Variants in SEC16B observed in about 807,000 individuals in gnomAD.
SEC16B encodes the protein protein transport protein Sec16B.
Under a neutral mutation model 141.8 loss-of-function variants are expected in SEC16B, and 115 were observed. That is an observed-to-expected ratio of 0.81 (90% CI 0.70 to 0.95). The LOEUF (loss-of-function observed/expected upper bound fraction) is 0.95. SEC16B is among the 40% of genes least tolerant of loss of function. The probability of loss-of-function intolerance (pLI) is 0.00; values close to 1 mark genes in which losing one functional copy is unlikely to be tolerated. For synonymous variants in SEC16B, 493 were observed against 492.5 expected, an observed-to-expected ratio of 1.00 and a Z score of -0.01; for missense variants, 1,291 against 1,312.3, an observed-to-expected ratio of 0.98 and a Z score of 0.25.
At chr1:177,936,881 G>A (rs1457076690) in intron 19 of SEC16B, among the ~76,000 whole-genome samples, 1 of 152,204 alleles carries the variant, frequency 6.6e-6, no homozygotes, top group Non-Finnish European at 1.5e-5. Context: ...GATGATTGGA[G>A]AAAGAGAACT....
At chr1:177,964,852 T>G (rs1653384764) in intron 4 of SEC16B, among the ~76,000 whole-genome samples, 195 bp downstream of exon 4, 1 of 152,184 alleles carries the variant, frequency 6.6e-6, no homozygotes, top group Non-Finnish European at 1.5e-5. Flanking sequence ...CTGTCAGTGA[T>G]AAGAACCTCC....
intron 3 of SEC16B, among the ~76,000 whole-genome samples, chr1:177,965,400 G>GGTGTGTGTGTGTGTGTGTGTGT (rs71108021): frequency 0.031 from 4,706 of 151,064 alleles, 126 homozygotes; most frequent in East Asian, 0.12. Flanking sequence ...GATGGGGATT[G>GGTGTGTGTGTGTGTGTGTGTGT]GTGTGTGTGT....
chr1:177,941,856 T>G (rs764377514), intron 16 of SEC16B, 44 bp downstream of exon 16: 6 of 1,594,894 alleles, frequency 3.8e-6, no homozygotes, highest in Middle Eastern at 1.7e-4. Flanking sequence ...TTTCTCTGAA[T>G]AGTGAAGATA....
intron 1 of SEC16B, among the ~76,000 whole-genome samples, chr1:177,976,573 CT>C (rs1654178161): frequency 6.6e-6 from 1 of 152,174 alleles, no homozygotes; most frequent in Non-Finnish European, 1.5e-5. Flanking sequence ...GCAAATTACT[CT>C]GCATCTCCTT....
intron 17 of SEC16B, among the ~76,000 whole-genome samples, chr1:177,940,069 G>A (rs1006854767): frequency 2.6e-5 from 4 of 152,178 alleles, no homozygotes; most frequent in African/African-American, 9.7e-5. Flanking sequence ...AGAAGGGGTA[G>A]AGGCTGTGTG....
intron 12 of SEC16B, among the ~76,000 whole-genome samples, chr1:177,949,411 CACACACACACACACACA>C (rs1651992691): frequency 6.6e-6 from 1 of 150,684 alleles, no homozygotes. Flanking sequence ...CACACACACA[CACACACACACACACACA>C]CAAAGAAAAA....
intron 10 of SEC16B, 133 bp downstream of exon 10, chr1:177,957,999 T>G (rs1467458975): frequency 2.0e-6 from 1 of 496,858 alleles, no homozygotes; most frequent in Non-Finnish European, 3.2e-6. Context: ...ATTTTCTTTG[T>G]TCTGTCTTTC....
At position 177,933,409 on chromosome 1, in the gene SEC16B, C is replaced by T. The variant is rs1650599342; in HGVS notation, c.2724+75G>A. On this transcript the variant is annotated intron_variant, in intron 21 of 25. Transcript: ENST00000308284. ...CATGTAACCATCAGAGCCCAGACTT[C>T]CAAGTCTGCACCACCCTCGAGGAAG... 4 of 1,569,104 alleles carry T rather than the reference C, an allele frequency of 2.5e-6. No individual in the cohort carries two copies. The South Asian group carries it at 4.7e-5, about 18-fold the overall frequency.
chr1:177,974,809 G>A (rs1258033755), upstream of SEC16B, among the ~76,000 whole-genome samples: 1 of 152,178 alleles, frequency 6.6e-6, no homozygotes. Context: ...AGACAAGAGA[G>A]GGTTTCTGCT....
rs567964737 is a variant in SEC16B at position 177,945,995 on chromosome 1, G to A, written c.1775+425C>T. On this transcript the variant is annotated intron_variant, in intron 14 of 25. Transcript: ENST00000308284. ...GTAGGGATGCTAGGGCCCCAAAGAG[G>A]GACTAAACATAAACTTCTTCCATTT... 1.2e-5 allele frequency: 4 copies of A among 326,692 alleles called. No homozygotes were observed. The South Asian group carries it at 2.4e-4, about 20-fold the overall frequency. 20.2% of individuals were successfully genotyped at this position (326,692 alleles called of 1,614,324 possible).
In SEC16B at chr1:177,929,679, T is replaced by C. The variant is rs1650267923; in HGVS notation, c.*179A>G. ...CATTGTGAAGCTAATCTTAAGAGAC[T>C]GAATTGTGCTGTGTCTTGAGAGATC... is the stretch of plus-strand genomic sequence containing the variant. On this transcript the variant is annotated 3_prime_UTR_variant, in exon 26 of 26. Transcript: ENST00000308284. The C allele has an allele frequency of 3.2e-6, 2 of 620,392 alleles. No homozygotes were observed. Among genetic ancestry groups the C allele is most frequent in the Non-Finnish European group, 2.9e-6 (1 of 346,570 alleles). 38.4% of individuals were successfully genotyped at this position (620,392 alleles called of 1,614,324 possible). A position where few individuals can be genotyped will look rare whatever the true frequency, so the allele number is the denominator to read the frequency against.
chr1:177,965,626 A>G (rs954579811), intron 3 of SEC16B, among the ~76,000 whole-genome samples: 2 of 152,340 alleles, frequency 1.3e-5, no homozygotes, highest in East Asian at 1.9e-4. Context: ...CTGGGCTATA[A>G]GGCAAAGTAG....
At chr1:177,954,165 C>G in intron 11 of SEC16B, 114 bp downstream of exon 11, 1 of 682,350 alleles carries the variant, frequency 1.5e-6, no homozygotes, top group South Asian at 1.9e-5. Flanking sequence ...ATGGAAAGAT[C>G]CCTGGAGTGT....
intron 18 of SEC16B, among the ~76,000 whole-genome samples, chr1:177,938,159 C>A (rs992325614): frequency 6.6e-6 from 1 of 152,164 alleles, no homozygotes; most frequent in Non-Finnish European, 1.5e-5. Flanking sequence ...CTAAATGAGC[C>A]TCCGTTCCAT....
At chr1:177,955,581 C>G (rs1026714841) in intron 10 of SEC16B, among the ~76,000 whole-genome samples, 4 of 152,102 alleles carry the variant, frequency 2.6e-5, no homozygotes, top group African/African-American at 4.8e-5. Flanking sequence ...CTCCTGGCCT[C>G]AAGTGATCCG....
chr1:177,946,258 T>C (rs1651693912), intron 14 of SEC16B, 162 bp downstream of exon 14: 1 of 693,754 alleles, frequency 1.4e-6, no homozygotes, highest in Non-Finnish European at 2.6e-6. Flanking sequence ...CCACGGGGCA[T>C]CTCCTTGCAC....
rs561932588 is a variant in SEC16B at position 177,964,974 on chromosome 1, C to T, written c.533+73G>A. ...CTGGAGGTGAGATGGCAGCATCAGA[C>T]GCCAGAAGATTTGCCCGACATAGTC... On this transcript the variant is annotated intron_variant, in intron 4 of 25. Coordinates refer to ENST00000308284, the MANE Select transcript of SEC16B (RefSeq NM_033127.4). 222 of 1,551,142 alleles carry T rather than the reference C, an allele frequency of 1.4e-4. 1 individual carries two copies. In the African/African-American group the frequency reaches 2.0e-3, roughly 14 times the overall value.
At chr1:177,941,793 T>C in intron 16 of SEC16B, 107 bp downstream of exon 16, 1 of 1,329,554 alleles carries the variant, frequency 7.5e-7, no homozygotes. Context: ...GCTCCAATTT[T>C]ATGGCATGTT....
intron 1 of SEC16B, among the ~76,000 whole-genome samples, chr1:177,978,588 T>G (rs1386376476): frequency 2.6e-5 from 4 of 151,958 alleles, no homozygotes; most frequent in Admixed American, 6.6e-5. Context: ...CCTGTAGTCT[T>G]ACCTAATTGG....
Sources: gnomAD v4.1 joint callset for allele counts (sites outside exome capture counted in the v4.1 genomes callset) on GRCh38, gnomAD v4.1.1 for gene constraint, MANE v1.5 for transcripts, NCBI Gene and HGNC (gene_info 2026-07-23, HGNC 2026-07-21) for gene names.